Variants in MTOR observed in about 807,000 individuals in gnomAD.
MTOR encodes the protein serine/threonine-protein kinase mTOR.
Under a neutral mutation model 319.8 loss-of-function variants are expected in MTOR, and 70 were observed. The ratio of observed to expected loss-of-function variants is 0.22; its 90% CI spans 0.18 to 0.27. MTOR has a LOEUF of 0.27. MTOR is among the 10% of genes least tolerant of loss of function. The pLI is 1.00. For synonymous variants in MTOR, 1,183 were observed against 1,211.4 expected, an observed-to-expected ratio of 0.98 and a Z score of 0.49; for missense variants, 1,890 against 3,274.4, an observed-to-expected ratio of 0.58 and a Z score of 10.32.
rs1470811403 is a variant in MTOR, at chr1:11,199,653, T to A, written c.3995A>T (p.Asp1332Val). 2 of 1,614,148 alleles carry A rather than the reference T, an allele frequency of 1.2e-6. No individual in the cohort carries two copies. Among genetic ancestry groups the A allele is most frequent in the Non-Finnish European group, 8.5e-7 (1 of 1,180,010 alleles). ...GCTTCTGATGAGCTCATCCTGTTGA[T>A]CTTCATTCAGTTCAGACCAGCAGGA... The part of the protein sequence containing the change: ...FVSCWSELNE[D>V]QQDELIRSIE... The change falls in exon 27 of 58, where the codon GAT (aspartate) becomes GTT (valine). Residue 1332 changes from aspartate (D) to valine (V), a missense_variant. Transcript: ENST00000361445. This position sits in a 1 kb window ranked among gnomAD's most constrained non-coding sequence, Gnocchi z 4.5.
intron 19 of MTOR, among the ~76,000 whole-genome samples, chr1:11,227,323 A>AAT (rs1318639593): frequency 9.7e-4 from 144 of 148,544 alleles, no homozygotes; most frequent in African/African-American, 3.5e-3. Flanking sequence ...AAAAAAAAAA[A>AAT]AAATTCAATT....
At position 11,243,421 on chromosome 1, in the gene MTOR, G is replaced by A. The variant is rs11121707; in HGVS notation, c.1226-121C>T. ...TAAATTAAGAAAGTGGCCAGGCACA[G>A]TGGCTCACACCTGTAATCCCAACAC... On this transcript the variant is annotated intron_variant, in intron 8 of 57. Coordinates refer to ENST00000361445, the MANE Select transcript of MTOR (RefSeq NM_004958.4). The A allele has an allele frequency of 0.015, 13,481 of 911,648 alleles. 1,232 individuals carry two copies. In the African/African-American group the frequency reaches 0.2, roughly 13 times the overall value. 56.5% of individuals were successfully genotyped at this position (911,648 alleles called of 1,614,324 possible).
chr1:11,129,875 T>A lies in MTOR; in HGVS notation c.5614-37A>T, dbSNP rs2100425101. ...CACACGTGTTAGCGACACTCTTGCC[T>A]CTGCTTTCTCATCTGTAAAATGGGC... On this transcript the variant is annotated intron_variant, in intron 39 of 57. Transcript: ENST00000361445. The surrounding 1 kb of genome is among the most constrained non-coding windows in gnomAD (Gnocchi z 4.7). The A allele has an allele frequency of 6.3e-7, 1 of 1,575,618 alleles. No individual in the cohort carries two copies. Among genetic ancestry groups the A allele is most frequent in the Non-Finnish European group, 8.7e-7 (1 of 1,145,906 alleles).
intron 28 of MTOR, among the ~76,000 whole-genome samples, chr1:11,169,007 A>G (rs1644730244): frequency 6.6e-6 from 1 of 152,248 alleles, no homozygotes; most frequent in Non-Finnish European, 1.5e-5. Context: ...TTAATGAGCA[A>G]GGATCCAGTT....
chr1:11,258,737 G>GAAAT, intron 2 of MTOR, 144 bp from the exon 3 acceptor site: 1 of 609,538 alleles, frequency 1.6e-6, no homozygotes. Context: ...CATTTCTATA[G>GAAAT]GATTACACTG....
chr1:11,163,697 G>C (rs570740187), intron 29 of MTOR, among the ~76,000 whole-genome samples: 2 of 152,296 alleles, frequency 1.3e-5, no homozygotes, highest in East Asian at 3.9e-4. Flanking sequence ...GGTACATAAT[G>C]AAATGAAGGC....
Position 11,116,782 on chromosome 1 carries a change from C to G in MTOR, c.7016+222G>C, listed in dbSNP as rs76786076. ...AGGATGACAGGCATGAGCCACTGCA[C>G]CCAGCTTGAACTATTTTTCCTTTTC... On this transcript the variant is annotated intron_variant, in intron 50 of 57. Transcript: ENST00000361445. Among the ~76,000 whole-genome samples the G allele has an allele frequency of 1.7e-3, 263 of 152,290 alleles. 3 individuals are homozygous for G. Among genetic ancestry groups the G allele is most frequent in the Non-Finnish European group, 3.0e-3 (206 of 68,022 alleles).
At chr1:11,193,902 C>A in intron 28 of MTOR, 1 of 1,064,834 alleles carries the variant, frequency 9.4e-7, no homozygotes, top group Non-Finnish European at 1.3e-6. Context: ...GGTTTTCCTG[C>A]AAGTTGTAAT....
chr1:11,152,839 T>C (rs748728427), intron 30 of MTOR, among the ~76,000 whole-genome samples: 2 of 152,250 alleles, frequency 1.3e-5, no homozygotes, highest in Non-Finnish European at 2.9e-5. Context: ...AACCTGCATA[T>C]GATCAGGAAA....
intron 26 of MTOR, among the ~76,000 whole-genome samples, chr1:11,200,442 T>C (rs1052495727): frequency 1.3e-5 from 2 of 152,184 alleles, no homozygotes; most frequent in Non-Finnish European, 2.9e-5. Flanking sequence ...ATGACCACTT[T>C]ACATTACCAC....
chr1:11,119,957 T>C (rs1214714531), intron 49 of MTOR, among the ~76,000 whole-genome samples: 4 of 150,208 alleles, frequency 2.7e-5, no homozygotes, highest in Non-Finnish European at 3.0e-5. Flanking sequence ...AGGCCGGGCG[T>C]GGTGGCTCAT....
intron 28 of MTOR, chr1:11,193,445 G>A (rs958142489): frequency 1.3e-5 from 10 of 753,248 alleles, no homozygotes; most frequent in African/African-American, 1.8e-5. Flanking sequence ...ATCACTGCCC[G>A]AGTGAGCCAG....
chr1:11,118,161 A>C (rs1237415904), intron 49 of MTOR, among the ~76,000 whole-genome samples: 1 of 151,964 alleles, frequency 6.6e-6, no homozygotes, highest in Non-Finnish European at 1.5e-5. Context: ...TTATTTGGCC[A>C]ACAGTGTGGT....
In MTOR at chr1:11,216,202, G is replaced by C; in HGVS notation, c.3063C>G (p.Ser1021=). The C allele has an allele frequency of 6.2e-7, 1 of 1,613,934 alleles. No homozygotes were observed. Among genetic ancestry groups the C allele is most frequent in the Non-Finnish European group, 8.5e-7 (1 of 1,179,924 alleles). The change falls in exon 20 of 58, where the codon TCC becomes TCG. Residue 1021 remains serine, a synonymous_variant. Coordinates refer to ENST00000361445, the MANE Select transcript of MTOR (RefSeq NM_004958.4). ...AAGGTCTGATGTGGCTCTTCACAAA[G>C]GACACCAACATTCCCAGCTGCTGGA... is the stretch of plus-strand genomic sequence containing the variant. ...FLFQQLGMLV[S]FVKSHIRPYM...
chr1:11,185,549 T>G (rs1488083816), intron 28 of MTOR, among the ~76,000 whole-genome samples: 2 of 151,910 alleles, frequency 1.3e-5, no homozygotes, highest in African/African-American at 4.8e-5. Flanking sequence ...GAGGCTGCAA[T>G]GAGCCATGGT....
chr1:11,109,260 C>T lies in MTOR; in HGVS notation c.7528+30G>A, dbSNP rs746760448. On this transcript the variant is annotated intron_variant, in intron 56 of 57. Transcript: ENST00000361445. The surrounding 1 kb of genome is among the most constrained non-coding windows in gnomAD (Gnocchi z 4.0). The stretch of plus-strand genomic sequence containing the variant: ...AGGAAAGTGTGCTCAGATTTTATGT[C>T]CCTTTTAAGTAAACACATGACACAC... 3 of 1,601,058 alleles carry T rather than the reference C, an allele frequency of 1.9e-6. No homozygotes were observed. In the South Asian group the frequency reaches 3.3e-5, roughly 18 times the overall value.
intron 18 of MTOR, among the ~76,000 whole-genome samples, chr1:11,230,121 T>TAAAA (rs35067541): frequency 6.9e-6 from 1 of 144,784 alleles, no homozygotes. Flanking sequence ...AACAAACCTT[T>TAAAA]AAAAAAAAAA....
intron 13 of MTOR, among the ~76,000 whole-genome samples, chr1:11,236,792 T>A (rs1310334932): frequency 6.6e-6 from 1 of 152,172 alleles, no homozygotes; most frequent in Non-Finnish European, 1.5e-5. Context: ...ATTACAGGCA[T>A]GAGCCACCAC....
chr1:11,113,991 GC>G (rs1194498065), intron 53 of MTOR, among the ~76,000 whole-genome samples: 1 of 151,986 alleles, frequency 6.6e-6, no homozygotes, highest in East Asian at 1.9e-4. Flanking sequence ...TCTCTCTTCT[GC>G]CCCCAAGTGA....
Sources: allele counts gnomAD v4.1 joint callset (sites outside exome capture counted in the v4.1 genomes callset), GRCh38; gene constraint gnomAD v4.1.1; non-coding constraint Gnocchi (gnomAD v3.1); transcripts MANE v1.5; gene names NCBI Gene and HGNC (gene_info 2026-07-23, HGNC 2026-07-21).